The following MEGF11 variants were observed in gnomAD, a reference collection of about 807,000 sequenced individuals.
MEGF11 encodes the protein multiple EGF like domains 11.
A neutral mutation model predicts 146.6 loss-of-function variants in MEGF11; 126 were observed. The ratio of observed to expected loss-of-function variants is 0.86; its 90% CI spans 0.74 to 1.00. MEGF11 has a LOEUF of 1.00. MEGF11 is among the 50% of genes least tolerant of loss of function. The probability of loss-of-function intolerance (pLI) is 0.00; values close to 1 mark genes in which losing one functional copy is unlikely to be tolerated. For synonymous variants in MEGF11, 532 were observed against 583.4 expected (o/e 0.91, Z 1.27); for missense variants, 1,509 against 1,521.2 (o/e 0.99, Z 0.13).
chr15:66,228,046 A>G (rs573091119), intron 1 of MEGF11, among the ~76,000 whole-genome samples: 5 of 152,252 alleles, frequency 3.3e-5, no homozygotes, highest in African/African-American at 1.2e-4. Context: ...GACTATGGGC[A>G]GGTCACTTCC....
chr15:66,252,120 C>T (rs982045767), intron 1 of MEGF11, among the ~76,000 whole-genome samples: 1 of 152,190 alleles, frequency 6.6e-6, no homozygotes, highest in African/African-American at 2.4e-5. Context: ...TCCGAGAAGC[C>T]GCAGAGGTCG....
rs1480916497 is a variant in MEGF11 at position 65,896,392 on chromosome 15, G to A, written c.*1542C>T. ...TTCTGATTATTGCCCAAAGTATTGT[G>A]TTCCATGGCAGGCTTCCAGTTTCTA... On this transcript the variant is annotated 3_prime_UTR_variant, in exon 26 of 26. Transcript: ENST00000395614. 6.6e-6 allele frequency: 1 copy of A among 152,592 alleles called. No individual in the cohort carries two copies. The highest frequency in any genetic ancestry group is 1.5e-5 in the Non-Finnish European group (1 of 68,036). The allele number at this position is 152,592 out of a possible 1,614,324, so 9.5% of individuals were successfully genotyped here. A position where few individuals can be genotyped will look rare whatever the true frequency, so the allele number is the denominator to read the frequency against.
At chr15:66,030,220 GTATTCACATGACA>G in intron 5 of MEGF11, among the ~76,000 whole-genome samples, 1 of 152,236 alleles carries the variant, frequency 6.6e-6, no homozygotes, top group East Asian at 1.9e-4. Context: ...AAAATGGCAG[GTATTCACATGACA>G]TATCCAGCCC....
At chr15:66,035,755 G>A (rs2083703292) in intron 5 of MEGF11, among the ~76,000 whole-genome samples, 1 of 152,232 alleles carries the variant, frequency 6.6e-6, no homozygotes, top group African/African-American at 2.4e-5. Flanking sequence ...TCCTGAATGT[G>A]CTTCTCTTTT....
chr15:65,941,987 C>CTT (rs150612772), intron 10 of MEGF11, among the ~76,000 whole-genome samples: 1 of 151,710 alleles, frequency 6.6e-6, no homozygotes, highest in South Asian at 2.1e-4. Context: ...GTGCCAGGCA[C>CTT]TTTTTTTTTC....
intron 1 of MEGF11, among the ~76,000 whole-genome samples, chr15:66,165,935 T>G (rs2090085527): frequency 6.6e-6 from 1 of 152,158 alleles, no homozygotes; most frequent in Non-Finnish European, 1.5e-5. Context: ...CAGGTAGCCC[T>G]GCCAGGCAGG....
At chr15:66,131,507 A>G (rs573154384) in intron 1 of MEGF11, among the ~76,000 whole-genome samples, 173 of 152,352 alleles carry the variant, frequency 1.1e-3, no homozygotes, top group African/African-American at 4.1e-3. Flanking sequence ...TTTCTGGGTC[A>G]GGTCCAGCCC....
intron 4 of MEGF11, among the ~76,000 whole-genome samples, chr15:66,096,790 G>C (rs867707606): frequency 2.6e-5 from 4 of 152,196 alleles, no homozygotes; most frequent in Non-Finnish European, 5.9e-5. Flanking sequence ...CAGCCCATCT[G>C]CCTACCACCT....
chr15:66,140,381 C>G (rs2089086550), intron 1 of MEGF11, among the ~76,000 whole-genome samples: 2 of 151,878 alleles, frequency 1.3e-5, no homozygotes, highest in African/African-American at 4.8e-5. Context: ...CCACCCATTC[C>G]TTATTCCTGG....
At chr15:66,205,812 G>C (rs2091285280) in intron 1 of MEGF11, among the ~76,000 whole-genome samples, 1 of 152,184 alleles carries the variant, frequency 6.6e-6, no homozygotes, top group Non-Finnish European at 1.5e-5. Context: ...TGCCAGAGTT[G>C]TCAGACAAAG....
intron 24 of MEGF11, among the ~76,000 whole-genome samples, chr15:65,902,945 C>T (rs1236868201): frequency 1.3e-5 from 2 of 152,190 alleles, no homozygotes; most frequent in African/African-American, 2.4e-5. Context: ...TGCATGCTAA[C>T]CTCCACTAAG....
chr15:66,122,382 A>G (rs1046543870), intron 3 of MEGF11, among the ~76,000 whole-genome samples: 1 of 152,244 alleles, frequency 6.6e-6, no homozygotes, highest in African/African-American at 2.4e-5. Flanking sequence ...GCTCTGCTCA[A>G]TGTCTCACAG....
At chr15:66,082,699 C>A (rs1199608306) in intron 5 of MEGF11, among the ~76,000 whole-genome samples, 1 of 39,734 alleles carries the variant, frequency 2.5e-5, no homozygotes, top group Admixed American at 2.8e-4. Context: ...AAGGGCGGTG[C>A]GGAGGGACTG....
At chr15:65,979,281 A>AC (rs1007996671) in intron 7 of MEGF11, among the ~76,000 whole-genome samples, 9 of 151,680 alleles carry the variant, frequency 5.9e-5, no homozygotes, top group African/African-American at 2.2e-4. Context: ...ACCCCCCACC[A>AC]CCCCCTTGTC....
At chr15:66,241,970 T>C (rs1445583146) in intron 1 of MEGF11, among the ~76,000 whole-genome samples, 1 of 151,938 alleles carries the variant, frequency 6.6e-6, no homozygotes, top group Non-Finnish European at 1.5e-5. Context: ...CAAACACAAA[T>C]ACAAACATAG....
intron 1 of MEGF11, among the ~76,000 whole-genome samples, chr15:66,242,279 C>T (rs991622305): frequency 2.0e-5 from 3 of 151,690 alleles, no homozygotes; most frequent in Non-Finnish European, 2.9e-5. Context: ...CATGCCAGTG[C>T]ACACCTATGT....
In MEGF11 at chr15:65,955,793, T is replaced by TATATACACACAC. The variant is rs1555455862; in HGVS notation, c.1287+1753_1287+1754insGTGTGTGTATAT. Among the ~76,000 whole-genome samples the TATATACACACAC allele has an allele frequency of 4.9e-3, 33 of 6,746 alleles. 2 individuals carry two copies. The highest frequency in any genetic ancestry group is 0.12 in the Middle Eastern group (1 of 8). The allele number at this position is 6,746 out of a possible 152,430, so 4.4% of individuals were successfully genotyped here. A position where few individuals can be genotyped will look rare whatever the true frequency, so the allele number is the denominator to read the frequency against. ...ATATATATATATATATATATATATA[T>TATATACACACAC]ACACACACACACACACACACAATAC... On this transcript the variant is annotated intron_variant, in intron 10 of 25. Coordinates refer to ENST00000395614, the MANE Select transcript of MEGF11 (RefSeq NM_001385028.1).
At chr15:66,057,701 G>T (rs991071548) in intron 5 of MEGF11, among the ~76,000 whole-genome samples, 2 of 152,016 alleles carry the variant, frequency 1.3e-5, no homozygotes, top group Non-Finnish European at 1.5e-5. Flanking sequence ...GGTGGACCAG[G>T]TCCCCTACCC....
chr15:66,186,044 G>A lies in MEGF11; in HGVS notation c.-8-57633C>T, dbSNP rs2090690386. Among the ~76,000 whole-genome samples, 3 of 152,282 alleles carry A rather than the reference G, an allele frequency of 2.0e-5. No individual in the cohort carries two copies. In the South Asian group the frequency reaches 6.2e-4, roughly 32 times the overall value. On this transcript the variant is annotated intron_variant, in intron 1 of 25. Transcript: ENST00000395614. ...CTGGGGAGAGGTGGGGGCAGCCCCA[G>A]GACCTTCCTTCATAGGGTTCAGCTT...
Sources: allele counts gnomAD v4.1 joint callset (sites outside exome capture counted in the v4.1 genomes callset), GRCh38; gene constraint gnomAD v4.1.1; transcripts MANE v1.5; gene names NCBI Gene and HGNC (gene_info 2026-07-23, HGNC 2026-07-21).